The following BRD10 variants were observed in gnomAD, a reference collection of about 807,000 sequenced individuals.
The protein encoded by BRD10 is bromodomain containing 10, also known as uncharacterized bromodomain-containing protein 10.
the BRD10 span, among the ~76,000 whole-genome samples, chr9:5,884,821 C>T: frequency 6.6e-6 from 1 of 152,170 alleles, no homozygotes; most frequent in African/African-American, 2.4e-5. Context: ...TGGGATTTAC[C>T]ACGTTTCTGA....
At chr9:5,929,366 T>C in the BRD10 span, among the ~76,000 whole-genome samples, 1 of 152,210 alleles carries the variant, frequency 6.6e-6, no homozygotes, top group Non-Finnish European at 1.5e-5. Context: ...ATCTGAAACC[T>C]GTTTCATCCA....
At chr9:5,960,241 T>G in the BRD10 span, among the ~76,000 whole-genome samples, 2 of 152,218 alleles carry the variant, frequency 1.3e-5, no homozygotes, top group Admixed American at 6.5e-5. Flanking sequence ...AGTTTAGAGG[T>G]GCTACCATAA....
At chr9:5,922,328 G>T in the BRD10 span, 8 of 1,613,852 alleles carry the variant, frequency 5.0e-6, no homozygotes, top group African/African-American at 9.3e-5. Context: ...TGAAGCACTG[G>T]GCAAGGAGAA....
chr9:5,961,341 T>C, the BRD10 span, among the ~76,000 whole-genome samples: 1 of 152,140 alleles, frequency 6.6e-6, no homozygotes, highest in Non-Finnish European at 1.5e-5. Context: ...AGAATAAACA[T>C]TTACTAGGTA....
At chr9:5,994,819 C>A in the BRD10 span, among the ~76,000 whole-genome samples, 1 of 152,136 alleles carries the variant, frequency 6.6e-6, no homozygotes, top group East Asian at 1.9e-4. Flanking sequence ...CTGGGCTCAA[C>A]TGTACCTAAT....
the BRD10 span, among the ~76,000 whole-genome samples, chr9:5,977,192 T>C: frequency 9.9e-5 from 15 of 152,138 alleles, no homozygotes; most frequent in Admixed American, 2.0e-4. Flanking sequence ...CATGACACAG[T>C]TGAAGTGTGA....
At chr9:6,001,606 T>C in the BRD10 span, among the ~76,000 whole-genome samples, 1 of 152,234 alleles carries the variant, frequency 6.6e-6, no homozygotes, top group Admixed American at 6.5e-5. Flanking sequence ...TGTTTGTCAT[T>C]GTATCTACAG....
chr9:5,916,400 C>G, the BRD10 span, among the ~76,000 whole-genome samples: 1 of 152,020 alleles, frequency 6.6e-6, no homozygotes, highest in African/African-American at 2.4e-5. Flanking sequence ...AATCATAAAA[C>G]TATTTCAATT....
the BRD10 span, among the ~76,000 whole-genome samples, chr9:5,938,435 G>A: frequency 0.25 from 37,792 of 151,902 alleles, 4,887 homozygotes; most frequent in South Asian, 0.36. Flanking sequence ...GACAGAGCAA[G>A]GAGCCCCTAT....
chr9:5,969,003 C>T, the BRD10 span: 1 of 1,609,984 alleles, frequency 6.2e-7, no homozygotes, highest in African/African-American at 1.3e-5. Context: ...AATGGATTAA[C>T]TTCTCCAAGA....
chr9:5,971,895 C>T, the BRD10 span, among the ~76,000 whole-genome samples: 1 of 151,782 alleles, frequency 6.6e-6, no homozygotes, highest in Non-Finnish European at 1.5e-5. Flanking sequence ...ATTTTTTTGT[C>T]TTCACAATAG....
the BRD10 span, chr9:5,920,430 G>T: frequency 6.2e-7 from 1 of 1,613,972 alleles, no homozygotes; most frequent in Non-Finnish European, 8.5e-7. Flanking sequence ...ACATTGGATG[G>T]TGCCGAAGCC....
chr9:5,966,196 C>A, the BRD10 span, among the ~76,000 whole-genome samples: 4 of 152,088 alleles, frequency 2.6e-5, no homozygotes, highest in African/African-American at 9.7e-5. Context: ...TTGCTGAATA[C>A]AATTTATAAA....
chr9:5,976,573 A>G, the BRD10 span, among the ~76,000 whole-genome samples: 1 of 152,228 alleles, frequency 6.6e-6, no homozygotes, highest in Non-Finnish European at 1.5e-5. Context: ...TAGTTATAAA[A>G]CATCTCAGAC....
chr9:5,954,202 C>T, the BRD10 span: 2 of 643,592 alleles, frequency 3.1e-6, no homozygotes, highest in Non-Finnish European at 5.5e-6. Context: ...TAACAGATGG[C>T]TGCTAGTGAG....
At chr9:5,950,946 CAT>C in the BRD10 span, among the ~76,000 whole-genome samples, 2 of 151,610 alleles carry the variant, frequency 1.3e-5, no homozygotes, top group Non-Finnish European at 2.9e-5. Context: ...AAAATCAGTA[CAT>C]GTTTAGTACG....
chr9:5,880,928 C>G, the BRD10 span, among the ~76,000 whole-genome samples: 1 of 152,088 alleles, frequency 6.6e-6, no homozygotes. Flanking sequence ...TGGTCTCGAA[C>G]CCCTGACCTC....
At chr9:5,929,227 G>A in the BRD10 span, 1 of 841,626 alleles carries the variant, frequency 1.2e-6, no homozygotes, top group South Asian at 1.6e-5. Context: ...CTTATTTTCT[G>A]AGTAAAATAC....
the BRD10 span, among the ~76,000 whole-genome samples, chr9:5,907,563 C>A: frequency 6.6e-6 from 1 of 152,054 alleles, no homozygotes; most frequent in Non-Finnish European, 1.5e-5. Context: ...TATTGATTCA[C>A]CTTGAAATAA....
Sources: gnomAD v4.1 joint callset for allele counts (sites outside exome capture counted in the v4.1 genomes callset) on GRCh38, gnomAD v4.1.1 for gene constraint, MANE v1.5 for transcripts, NCBI Gene and HGNC (gene_info 2026-07-23, HGNC 2026-07-21) for gene names.